Variants in TTN observed in about 807,000 individuals in gnomAD.
TTN encodes titin.
A neutral mutation model predicts 3,223.0 loss-of-function variants in TTN; 1,525 were observed. The ratio of observed to expected loss-of-function variants is 0.47; its 90% confidence interval spans 0.45 to 0.49. The LOEUF is 0.49. Ranked by LOEUF, TTN falls within the 20% of genes least tolerant of loss-of-function variation. The pLI is 0.00. For missense variants in TTN, 40,786 were observed against 43,424.0 expected (o/e 0.94, Z 5.40); for synonymous variants, 14,094 against 15,161.0 (o/e 0.93, Z 5.17).
intron 338 of TTN, 41 bp downstream of exon 338, chr2:178,549,529 A>T: frequency 6.3e-7 from 1 of 1,594,192 alleles, no homozygotes; most frequent in Non-Finnish European, 8.6e-7. Context: ...TGGAAGGTTA[A>T]ACTTTTGACA....
intron 250 of TTN, chr2:178,619,130 C>T (rs1360287624): frequency 1.3e-5 from 6 of 468,420 alleles, no homozygotes; most frequent in African/African-American, 1.0e-4. Flanking sequence ...CAGTGTAGTG[C>T]AAAACATGTT....
At position 178,707,877 on chromosome 2, in the gene TTN, G is replaced by A. The variant is rs1371053048; in HGVS notation, c.28754-64C>T. 9 of 1,505,656 alleles carry A rather than the reference G, an allele frequency of 6.0e-6. No homozygotes were observed. In the Admixed American group the frequency reaches 1.1e-4, roughly 19 times the overall value. The allele number at this position is 1,505,656 out of a possible 1,614,324, so 93.3% of individuals were successfully genotyped here. A position where few individuals can be genotyped will look rare whatever the true frequency, so the allele number is the denominator to read the frequency against. On this transcript the variant is annotated intron_variant, in intron 99 of 362. Coordinates refer to ENST00000589042, the MANE Select transcript of TTN (RefSeq NM_001267550.2). ...CAAAAAAGTATTAAATTCCACAAGAGAAACAAATAAAGAGAAAAACTGGCC... is the reference window on the plus strand; with the variant it reads ...CAAAAAAGTATTAAATTCCACAAGAAAAACAAATAAAGAGAAAAACTGGCC...
rs777498687 is a variant in TTN at position 178,689,553 on chromosome 2, G to T, written c.31889C>A (p.Thr10630Asn). The T allele has an allele frequency of 8.7e-6, 14 of 1,610,080 alleles. No individual in the cohort carries two copies. The South Asian group carries it at 1.4e-4, about 17-fold the overall frequency. ...AGATTCCTCTCTTTGAGTTACAATG[G>T]TTATTTTTTCTTCTGTCACAACTCC... ...QKGVVTEEKI[T>N]IVTQREESPP... The change falls in exon 123 of 363, where the codon ACC becomes AAC. Residue 10630 changes from threonine to asparagine, a missense_variant. Thr to Asn is a moderately conservative substitution (Grantham distance 65, BLOSUM62 0). Transcript: ENST00000589042.
rs779017618 is a variant in TTN, at chr2:178,605,708, G to A, written c.53587C>T (p.Pro17863Ser). ...PILAVDPLGPPTSPERLTYTE... is the reference protein window; with the variant it reads ...PILAVDPLGPSTSPERLTYTE... ...TATGTGAGCCTCTCTGGAGATGTTG[G>A]AGGACCTTTAGCCAGAGGCAAGTGA... The change falls in exon 279 of 363, where the codon CCA (proline) becomes TCA (serine). Residue 17863 changes from proline to serine, a missense_variant. Physicochemically the swap from Pro to Ser is moderately conservative, Grantham distance 74. Coordinates refer to ENST00000589042, the MANE Select transcript of TTN (RefSeq NM_001267550.2). The A allele has an allele frequency of 2.0e-6, 3 of 1,525,326 alleles. No homozygotes were observed. Among genetic ancestry groups the A allele is most frequent in the Non-Finnish European group, 2.6e-6 (3 of 1,133,212 alleles). The allele number at this position is 1,525,326 out of a possible 1,614,324, so 94.5% of individuals were successfully genotyped here.
rs1560786611 is a variant in TTN at position 178,730,519 on chromosome 2, T to C, written c.18014A>G (p.His6005Arg). ...NKAGHNQCSG[H>R]LTVKEPPYFV... ...AATTTGCCAACCTTTGACTGTCAGA[T>C]GCCCACTGCATTGGTTGTGCCCTGC... Residue 6005 changes from histidine (H) to arginine (R), a missense_variant, in exon 61 of 363, where the codon CAT (histidine) becomes CGT (arginine). Physicochemically the swap from His to Arg is conservative, Grantham distance 29. Coordinates refer to ENST00000589042, the MANE Select transcript of TTN (RefSeq NM_001267550.2). 1.2e-6 allele frequency: 2 copies of C among 1,603,372 alleles called. No homozygotes were observed. The highest frequency in any genetic ancestry group is 1.1e-5 in the South Asian group (1 of 89,924).
At chr2:178,683,106 T>C in intron 134 of TTN, 105 bp downstream of exon 134, 1 of 988,542 alleles carries the variant, frequency 1.0e-6, no homozygotes, top group Non-Finnish European at 1.6e-6. Flanking sequence ...TACCCTGCCC[T>C]TAATCAACAA....
rs753331124 is a variant in TTN, at chr2:178,568,743, C to T, written c.77389G>A (p.Glu25797Lys). Residue 25797 changes from glutamate (E) to lysine (K), a missense_variant, in exon 326 of 363, where the codon GAG becomes AAG. By Grantham distance (56) the Glu-to-Lys change is moderately conservative. Coordinates refer to ENST00000589042, the MANE Select transcript of TTN (RefSeq NM_001267550.2). ...VPIVAKDLVI[E>K]PDVKPAFSSY... The stretch of plus-strand genomic sequence containing the variant: ...CTGAATGCAGGTTTTACATCTGGCT[C>T]AATTACCAGATCTTTGGCAACTATT... 4 of 1,612,956 alleles carry T rather than the reference C, an allele frequency of 2.5e-6. No homozygotes were observed. Among genetic ancestry groups the T allele is most frequent in the Admixed American group, 1.7e-5 (1 of 59,916 alleles).
chr2:178,647,597 A>G, intron 213 of TTN, 133 bp from the exon 214 acceptor site: 1 of 742,492 alleles, frequency 1.3e-6, no homozygotes, highest in Non-Finnish European at 2.2e-6. Flanking sequence ...GAGACATGGC[A>G]CCATTTTGGA....
rs962116921 is a variant in TTN, at chr2:178,621,904, A to T, written c.45018T>A (p.Asp15006Glu). 2.5e-6 allele frequency: 4 copies of T among 1,612,080 alleles called. No individual in the cohort carries two copies. The change falls in exon 244 of 363, where the codon GAT (aspartate) becomes GAA (glutamate). Residue 15006 changes from aspartate to glutamate, a missense_variant. Coordinates refer to ENST00000589042, the MANE Select transcript of TTN (RefSeq NM_001267550.2). ...CTTCACAGGAATATTCAGCTTCATCATCCAGTAGACATTTGTTGATGACAA... is the reference window on the plus strand; with the variant it reads ...CTTCACAGGAATATTCAGCTTCATCTTCCAGTAGACATTTGTTGATGACAA... Reference protein sequence around the residue: ...RILVINKCLLDDEAEYSCEVR... With the variant: ...RILVINKCLLEDEAEYSCEVR...
Position 178,586,521 on chromosome 2 carries a change from T to C in TTN, c.64380A>G (p.Glu21460=), listed in dbSNP as rs1309653023. The C allele has an allele frequency of 6.8e-6, 11 of 1,613,124 alleles. No homozygotes were observed. Among genetic ancestry groups the C allele is most frequent in the South Asian group, 1.1e-5 (1 of 91,036 alleles). Residue 21460 remains glutamate (E), a synonymous_variant, in exon 308 of 363, where the codon GAA becomes GAG. Transcript: ENST00000589042. The stretch of plus-strand genomic sequence containing the variant: ...ACTACTTACACAGTTGTTCTTTGGC[T>C]TCATACACTCCTTCAGCTTCTCTTG... The part of the protein sequence containing the change: ...SLPREAEGVY[E]AKEQLLPPKI...
chr2:178,550,186 T>C lies in TTN; in HGVS notation c.91652A>G (p.Gln30551Arg), dbSNP rs775297990. ...GESLRIKALV[Q>R]GRPVPRVTWF... ...AGTTACTCGAGGCACTGGTCTTCCT[T>C]GTACCAAAGCTTTAATTCTAAGGCT... The change falls in exon 337 of 363, where the codon CAA (glutamine) becomes CGA (arginine). Residue 30551 changes from glutamine (Q) to arginine (R), a missense_variant. Gln to Arg is a conservative substitution (Grantham distance 43). Transcript: ENST00000589042. 4 of 1,613,812 alleles carry C rather than the reference T, an allele frequency of 2.5e-6. No homozygotes were observed. The highest frequency in any genetic ancestry group is 1.7e-6 in the Non-Finnish European group (2 of 1,179,760).
At position 178,664,125 on chromosome 2, in the gene TTN, T is replaced by C. The variant is rs755542905; in HGVS notation, c.36281-27A>G. On this transcript the variant is annotated intron_variant, in intron 168 of 362. Coordinates refer to ENST00000589042, the MANE Select transcript of TTN (RefSeq NM_001267550.2). ...TTGAAAGATATTAGTATTTTTACAC[T>C]CAGAAAATACAGAGATTACTAGATA... 2.0e-5 allele frequency: 32 copies of C among 1,581,972 alleles called. No individual in the cohort carries two copies. The African/African-American group carries it at 3.6e-4, about 18-fold the overall frequency.
rs2154179160 is a variant in TTN, at chr2:178,583,654, C to T, written c.65528G>A (p.Ser21843Asn). Residue 21843 changes from serine to asparagine, a missense_variant, in exon 312 of 363, where the codon AGC becomes AAC. Transcript: ENST00000589042. ...TGGATCAGAAGGTTCAGAAGGTGGGCTAATGTTTACCGCGGTCCTGGCAAT... is the reference window on the plus strand; with the variant it reads ...TGGATCAGAAGGTTCAGAAGGTGGGTTAATGTTTACCGCGGTCCTGGCAAT... ...RAIARTAVNI[S>N]PPSEPSDPVT... 6.2e-7 allele frequency: 1 copy of T among 1,611,834 alleles called. No homozygotes were observed.
At chr2:178,629,564 AT>A (rs2059530445) in intron 239 of TTN, 121 bp from the exon 240 acceptor site, 31 of 1,413,092 alleles carry the variant, frequency 2.2e-5, no homozygotes, top group South Asian at 1.3e-4. Flanking sequence ...ACTGGCCACT[AT>A]TTTAACTCCC....
intron 157 of TTN, 109 bp from the exon 158 acceptor site, chr2:178,669,784 T>C: frequency 9.5e-7 from 1 of 1,048,186 alleles, no homozygotes; most frequent in South Asian, 1.4e-5. Context: ...ACCCCTCAAT[T>C]ATAAGTCAAC....
Position 178,562,966 on chromosome 2 carries a change from T to C in TTN, c.83166A>G (p.Ile27722Met). ...AEGILTDRAQIEVTSSFTMLV... is the reference protein window; with the variant it reads ...AEGILTDRAQMEVTSSFTMLV... ...ACATTGTAAATGAGCTGGTCACCTC[T>C]ATCTGAGCCCTGTCAGTGAGAATGC... The change falls in exon 326 of 363, where the codon ATA becomes ATG. Residue 27722 changes from isoleucine to methionine, a missense_variant. Ile to Met is a conservative substitution (Grantham distance 10). Transcript: ENST00000589042. 6.2e-7 allele frequency: 1 copy of C among 1,613,746 alleles called. No individual in the cohort carries two copies. Among genetic ancestry groups the C allele is most frequent in the Non-Finnish European group, 8.5e-7 (1 of 1,179,742 alleles).
At chr2:178,713,860 TATA>T (rs761950564) in intron 92 of TTN, 34 bp downstream of exon 92, 29 of 1,602,898 alleles carry the variant, frequency 1.8e-5, no homozygotes, top group Non-Finnish European at 2.5e-5. Context: ...ACTACATTAT[TATA>T]ATGATGAAGG....
intron 47 of TTN, chr2:178,751,678 A>G (rs762343304): frequency 5.6e-6 from 9 of 1,613,330 alleles, no homozygotes; most frequent in Admixed American, 1.7e-5. Flanking sequence ...AACTTCCAGA[A>G]TCTCTGTCTT....
At chr2:178,580,687 TA>T in intron 316 of TTN, 78 bp from the exon 317 acceptor site, 1 of 1,317,052 alleles carries the variant, frequency 7.6e-7, no homozygotes. Context: ...TTGTCACTCC[TA>T]AAATACATTT....
Sources: allele counts gnomAD v4.1 joint callset, GRCh38; gene constraint gnomAD v4.1.1; transcripts MANE v1.5; gene names NCBI Gene and HGNC (gene_info 2026-07-23, HGNC 2026-07-21).